INSR: variants seen among roughly 807,000 people sequenced by gnomAD.
The protein encoded by INSR is insulin receptor.
A neutral mutation model predicts 142.6 loss-of-function variants in INSR; 67 were observed. That is an observed-to-expected ratio of 0.47 (90% CI 0.39 to 0.58). INSR has a LOEUF of 0.58. Among genes scored for constraint, INSR ranks in the 20% least tolerant of loss-of-function variants. The probability of loss-of-function intolerance (pLI) is 0.00; values close to 1 mark genes in which losing one functional copy is unlikely to be tolerated. For synonymous variants in INSR, 756 were observed against 743.1 expected (o/e 1.02, Z -0.28); for missense variants, 1,248 against 1,833.2 (o/e 0.68, Z 5.83).
chr19:7,199,119 G>T (rs1974877144), intron 2 of INSR, among the ~76,000 whole-genome samples: 1 of 152,014 alleles, frequency 6.6e-6, no homozygotes, highest in Non-Finnish European at 1.5e-5. Context: ...GGCCTCAAGT[G>T]ATCCTCTTGC....
intron 2 of INSR, among the ~76,000 whole-genome samples, chr19:7,232,642 C>T (rs187987859): frequency 2.6e-5 from 4 of 152,122 alleles, no homozygotes; most frequent in African/African-American, 9.6e-5. Flanking sequence ...AACCCTGTCT[C>T]TACTTAAACT....
rs780092187 is a variant in INSR, at chr19:7,153,033, C to CACCACACAT, written c.2030-107_2030-106insATGTGTGGT. On this transcript the variant is annotated intron_variant, in intron 9 of 21. Transcript: ENST00000302850. ...ACACACCACACACACACACCACACACACACACACCACACACCCCCCCACAC... is the reference window on the plus strand; with the variant it reads ...ACACACCACACACACACACCACACACACCACACATACACACACCACACACCCCCCCACAC... The CACCACACAT allele has an allele frequency of 0.85, 421,531 of 497,064 alleles. 177,813 individuals carry two copies. Among genetic ancestry groups the CACCACACAT allele is most frequent in the Non-Finnish European group, 0.87 (261,966 of 300,328 alleles). 30.8% of individuals were successfully genotyped at this position (497,064 alleles called of 1,614,324 possible).
Position 7,143,093 on chromosome 19 carries a change from G to A in INSR, c.2268-3C>T, listed in dbSNP as rs750201666. The stretch of plus-strand genomic sequence containing the variant: ...GGGACCTGCGTTTCCGAGATGGCCT[G>A]GAACGACAGTAGGACATGTATGATG... On this transcript the variant is annotated splice_polypyrimidine_tract_variant and splice_region_variant and intron_variant, in intron 11 of 21. Transcript: ENST00000302850. 9 of 1,613,988 alleles carry A rather than the reference G, an allele frequency of 5.6e-6. No individual in the cohort carries two copies. The highest frequency in any genetic ancestry group is 1.1e-5 in the South Asian group (1 of 91,088).
At chr19:7,187,033 G>A (rs1974450908) in intron 2 of INSR, among the ~76,000 whole-genome samples, 5 of 151,622 alleles carry the variant, frequency 3.3e-5, no homozygotes. Flanking sequence ...CTGTGACTCT[G>A]ATGACTCTAG....
chr19:7,162,658 T>C (rs1973784520), intron 9 of INSR, among the ~76,000 whole-genome samples: 1 of 150,300 alleles, frequency 6.7e-6, no homozygotes, highest in Non-Finnish European at 1.5e-5. Flanking sequence ...CCGTCCCTAC[T>C]AAAAATACCA....
chr19:7,268,428 G>A (rs530929083), intron 1 of INSR: 1 of 985,218 alleles, frequency 1.0e-6, no homozygotes, highest in East Asian at 1.1e-4. Flanking sequence ...TGTGGTGAGG[G>A]CTTCCCAGGG....
At chr19:7,248,105 C>T in intron 2 of INSR, among the ~76,000 whole-genome samples, 1 of 152,026 alleles carries the variant, frequency 6.6e-6, no homozygotes, top group East Asian at 2.0e-4. Context: ...TCAAGACCAA[C>T]CTGGGCAACA....
At chr19:7,227,215 C>T (rs148486481) in intron 2 of INSR, among the ~76,000 whole-genome samples, 20 of 152,024 alleles carry the variant, frequency 1.3e-4, no homozygotes, top group African/African-American at 4.1e-4. Flanking sequence ...CTGGACAGTC[C>T]CTCTGGAACA....
rs1050767263 is a variant in INSR at position 7,184,240 on chromosome 19, A to G, written c.974+76T>C. 1.6e-5 allele frequency: 21 copies of G among 1,324,452 alleles called. No individual in the cohort carries two copies. The African/African-American group carries it at 2.9e-4, about 18-fold the overall frequency. 82.0% of individuals were successfully genotyped at this position (1,324,452 alleles called of 1,614,324 possible). On this transcript the variant is annotated intron_variant, in intron 3 of 21. Transcript: ENST00000302850. ...AACCCTGGGTTTGCACACAGTTTTA[A>G]CAAGCGGCATCGTCACAACCAACCC... is the stretch of plus-strand genomic sequence containing the variant.
chr19:7,270,335 TCTCTCACACACA>T (rs1479113352), intron 1 of INSR, among the ~76,000 whole-genome samples: 63 of 83,314 alleles, frequency 7.6e-4, no homozygotes, highest in Admixed American at 2.5e-3. Context: ...TCTCTCTCTC[TCTCTCACACACA>T]CACACACACA....
At chr19:7,146,662 ATT>A (rs1198315516) in intron 11 of INSR, among the ~76,000 whole-genome samples, 1 of 152,172 alleles carries the variant, frequency 6.6e-6, no homozygotes, top group Non-Finnish European at 1.5e-5. Context: ...CTCTCTCACA[ATT>A]TGAAAGAACG....
chr19:7,150,451 G>C lies in INSR; in HGVS notation c.2267+46C>G. ...CGAGGCATCTGCCTGGCACGCCGCC[G>C]GCCCTGCGCGGAGCAGGCACCAGGG... On this transcript the variant is annotated intron_variant, in intron 11 of 21. Transcript: ENST00000302850. This position sits in a 1 kb window ranked among gnomAD's most constrained non-coding sequence, Gnocchi z 4.2. 3 of 1,595,912 alleles carry C rather than the reference G, an allele frequency of 1.9e-6. No individual in the cohort carries two copies. Among genetic ancestry groups the C allele is most frequent in the Non-Finnish European group, 2.6e-6 (3 of 1,164,084 alleles).
Position 7,122,845 on chromosome 19 carries a change from C to T in INSR, c.3369+34G>A, listed in dbSNP as rs2288406. On this transcript the variant is annotated intron_variant, in intron 18 of 21. Coordinates refer to ENST00000302850, the MANE Select transcript of INSR (RefSeq NM_000208.4). ...AGGAGGCCAGGAGCGGGTGCTCCAC[C>T]GAGTACCCCGCTGGGTCCCCCGAAG... is the stretch of plus-strand genomic sequence containing the variant. The T allele has an allele frequency of 2.4e-5, 38 of 1,607,688 alleles. No homozygotes were observed. The East Asian group carries it at 2.5e-4, about 10-fold the overall frequency.
rs771013109 is a variant in INSR at position 7,115,166 on chromosome 19, TAAGAG to T, written c.*1885_*1889del. On this transcript the variant is annotated 3_prime_UTR_variant, in exon 22 of 22. Coordinates refer to ENST00000302850, the MANE Select transcript of INSR (RefSeq NM_000208.4). The stretch of plus-strand genomic sequence containing the variant: ...ATCCCATTCTTAAGCCCACAACTCT[TAAGAG>T]AAGAAGAAAAGGAAGCAGTCAAAAA... The T allele has an allele frequency of 5.3e-5, 8 of 152,344 alleles. No individual in the cohort carries two copies. Among genetic ancestry groups the T allele is most frequent in the Non-Finnish European group, 8.8e-5 (6 of 68,036 alleles). The allele number at this position is 152,344 out of a possible 1,614,324, so 9.4% of individuals were successfully genotyped here.
chr19:7,169,548 C>T (rs576642132), intron 6 of INSR, among the ~76,000 whole-genome samples: 1 of 147,976 alleles, frequency 6.8e-6, no homozygotes, highest in Non-Finnish European at 1.5e-5. Flanking sequence ...TGCACTCCAG[C>T]CCTGGGTGAC....
chr19:7,171,504 T>C (rs1483754732), intron 5 of INSR, among the ~76,000 whole-genome samples: 2 of 152,164 alleles, frequency 1.3e-5, no homozygotes, highest in East Asian at 3.9e-4. Context: ...TTGATCTAGC[T>C]AGTTTGAGTT....
chr19:7,193,586 C>T (rs955174852), intron 2 of INSR, among the ~76,000 whole-genome samples: 18 of 151,800 alleles, frequency 1.2e-4, no homozygotes, highest in African/African-American at 4.1e-4. Flanking sequence ...GAAAGGGACA[C>T]AAAAAAGTGC....
chr19:7,275,463 C>T (rs1282307727), intron 1 of INSR, among the ~76,000 whole-genome samples: 2 of 151,958 alleles, frequency 1.3e-5, no homozygotes, highest in Non-Finnish European at 2.9e-5. Flanking sequence ...TTTACATTGA[C>T]ATTTCAATGA....
chr19:7,149,377 A>G (rs1044351055), intron 11 of INSR, among the ~76,000 whole-genome samples: 2 of 152,206 alleles, frequency 1.3e-5, no homozygotes, highest in African/African-American at 4.8e-5. Context: ...AAATCTCTCC[A>G]AGTGGTCCCA....
Sources: gnomAD v4.1 joint callset for allele counts (sites outside exome capture counted in the v4.1 genomes callset) on GRCh38, gnomAD v4.1.1 for gene constraint, Gnocchi (gnomAD v3.1) non-coding constraint, MANE v1.5 for transcripts, NCBI Gene and HGNC (gene_info 2026-07-23, HGNC 2026-07-21) for gene names.